Variants in LAMP5 observed in about 807,000 individuals in gnomAD.
LAMP5 encodes the protein lysosome-associated membrane glycoprotein 5.
Under a neutral mutation model 30.2 loss-of-function variants are expected in LAMP5, and 36 were observed. The ratio of observed to expected loss-of-function variants is 1.19; its 90% confidence interval spans 0.91 to 1.57. LAMP5 has a LOEUF of 1.57. Among genes scored for constraint, LAMP5 ranks in the 40% most tolerant of loss-of-function variants. The probability of loss-of-function intolerance (pLI) is 0.00; values close to 1 mark genes in which losing one functional copy is unlikely to be tolerated. For synonymous variants in LAMP5, 149 were observed against 134.6 expected (o/e 1.11, Z -0.74); for missense variants, 377 against 354.9 (o/e 1.06, Z -0.50).
At chr20:9,522,342 A>G (rs2045084736) in intron 5 of LAMP5, among the ~76,000 whole-genome samples, 2 of 152,180 alleles carry the variant, frequency 1.3e-5, no homozygotes, top group African/African-American at 2.4e-5. Flanking sequence ...CCCCCAGTAG[A>G]GCGTCCTGTG....
At chr20:9,523,569 A>G (rs1603172581) in intron 5 of LAMP5, among the ~76,000 whole-genome samples, 1 of 152,332 alleles carries the variant, frequency 6.6e-6, no homozygotes, top group African/African-American at 2.4e-5. Context: ...GGCAACTGGC[A>G]GCTGGCAACA....
intron 5 of LAMP5, among the ~76,000 whole-genome samples, chr20:9,518,978 C>G (rs1245974056): frequency 6.6e-6 from 1 of 152,216 alleles, no homozygotes; most frequent in Non-Finnish European, 1.5e-5. Context: ...GTCTCTCAGT[C>G]TGTTTAGCCT....
chr20:9,516,447 C>G, intron 4 of LAMP5, 86 bp downstream of exon 4: 1 of 1,155,138 alleles, frequency 8.7e-7, no homozygotes, highest in Non-Finnish European at 1.3e-6. Context: ...GTTTTGGAAA[C>G]CGTCCCACGC....
Position 9,514,711 on chromosome 20 carries a change from A to T in LAMP5, c.-142A>T. ...GACACCGAGTCCTAGCTAGGCGCTC[A>T]CAGAATACGCGCTCCCTCCCTCCCC... On this transcript the variant is annotated 5_prime_UTR_variant, in exon 1 of 6. Coordinates refer to ENST00000246070, the MANE Select transcript of LAMP5 (RefSeq NM_012261.4). 1 of 682,032 alleles carries T rather than the reference A, an allele frequency of 1.5e-6. No individual in the cohort carries two copies. 42.2% of individuals were successfully genotyped at this position (682,032 alleles called of 1,614,324 possible). A position where few individuals can be genotyped will look rare whatever the true frequency, so the allele number is the denominator to read the frequency against.
intron 5 of LAMP5, among the ~76,000 whole-genome samples, chr20:9,525,909 A>G (rs2045109039): frequency 6.6e-6 from 1 of 152,188 alleles, no homozygotes; most frequent in African/African-American, 2.4e-5. Context: ...CATTCTGCCT[A>G]GGAAGGTAGA....
intron 5 of LAMP5, among the ~76,000 whole-genome samples, chr20:9,521,262 G>A (rs1432129874): frequency 6.6e-6 from 1 of 152,112 alleles, no homozygotes; most frequent in Admixed American, 6.5e-5. Context: ...GCACAGCAAG[G>A]AGTCCATGGG....
intron 2 of LAMP5, 57 bp downstream of exon 2, chr20:9,515,682 C>A (rs2045031919): frequency 1.3e-6 from 2 of 1,577,962 alleles, no homozygotes; most frequent in East Asian, 4.5e-5. Flanking sequence ...CGAAGGGCAC[C>A]CTTCCTCAAG....
chr20:9,525,339 A>C (rs2045105430), intron 5 of LAMP5, among the ~76,000 whole-genome samples: 1 of 152,230 alleles, frequency 6.6e-6, no homozygotes, highest in Non-Finnish European at 1.5e-5. Flanking sequence ...AATGACAGAA[A>C]AGCTACTCTG....
At chr20:9,528,412 T>A (rs538307730) in intron 5 of LAMP5, among the ~76,000 whole-genome samples, 1 of 152,076 alleles carries the variant, frequency 6.6e-6, no homozygotes, top group Non-Finnish European at 1.5e-5. Flanking sequence ...AGTTCTAATA[T>A]TCAATAGCAG....
chr20:9,526,848 ATG>A (rs199927844), intron 5 of LAMP5, among the ~76,000 whole-genome samples: 1,511 of 108,106 alleles, frequency 0.014, 26 homozygotes, highest in African/African-American at 0.047. Context: ...ACATATACAT[ATG>A]TGTGTGTGTG....
At position 9,528,573 on chromosome 20, in the gene LAMP5, A is replaced by C. The variant is rs112457992; in HGVS notation, c.665-1069A>C. Among the ~76,000 whole-genome samples, 1,210 of 152,290 alleles carry C rather than the reference A, an allele frequency of 7.9e-3. 10 individuals carry two copies. Among genetic ancestry groups the C allele is most frequent in the African/African-American group, 0.028 (1,162 of 41,562 alleles). ...GACTTGATCATTAAAGTGTATGCGC[A>C]TAACAAAATATCACGTGTCCCATAA... On this transcript the variant is annotated intron_variant, in intron 5 of 5. Coordinates refer to ENST00000246070, the MANE Select transcript of LAMP5 (RefSeq NM_012261.4).
intron 5 of LAMP5, among the ~76,000 whole-genome samples, chr20:9,521,713 GC>G (rs2045080740): frequency 6.6e-6 from 1 of 152,196 alleles, no homozygotes; most frequent in Admixed American, 6.5e-5. Context: ...CCCTTGGAGA[GC>G]CCCATGTGAT....
intron 5 of LAMP5, among the ~76,000 whole-genome samples, chr20:9,525,456 T>C (rs886443056): frequency 1.3e-5 from 2 of 152,170 alleles, no homozygotes; most frequent in African/African-American, 4.8e-5. Context: ...CTTAGTAGAT[T>C]AAGAGATTCA....
intron 5 of LAMP5, among the ~76,000 whole-genome samples, chr20:9,526,428 G>A (rs1317440867): frequency 2.0e-5 from 3 of 152,106 alleles, no homozygotes; most frequent in Admixed American, 2.0e-4. Flanking sequence ...AATAACCTTT[G>A]TTGTTAACAA....
chr20:9,518,147 C>A lies in LAMP5; in HGVS notation c.583C>A (p.Pro195Thr). 6.2e-7 allele frequency: 1 copy of A among 1,614,096 alleles called. No individual in the cohort carries two copies. The highest frequency in any genetic ancestry group is 1.3e-5 in the African/African-American group (1 of 75,050). ...QQTISLASSD[P>T]QKTVTMILSA... is the part of the protein sequence containing the mutation. ...AACCATTTCACTGGCCTCTAGTGAT[C>A]CGCAGAAGACGGTCACCATGATCCT... Residue 195 changes from proline to threonine, a missense_variant, in exon 5 of 6, where the codon CCG (proline) becomes ACG (threonine). By Grantham distance (38) the Pro-to-Thr change is conservative. Transcript: ENST00000246070.
At chr20:9,520,983 GC>G (rs1721224835) in intron 5 of LAMP5, among the ~76,000 whole-genome samples, 1 of 152,148 alleles carries the variant, frequency 6.6e-6, no homozygotes, top group Non-Finnish European at 1.5e-5. Flanking sequence ...CTGGGAGTGG[GC>G]CCCAAGAAGC....
chr20:9,517,783 T>A (rs1046985354), intron 4 of LAMP5, among the ~76,000 whole-genome samples: 1 of 152,122 alleles, frequency 6.6e-6, no homozygotes, highest in East Asian at 1.9e-4. Flanking sequence ...GTAACAAGGG[T>A]TGGGTTTTTA....
chr20:9,514,857 A>C lies in LAMP5; in HGVS notation c.5A>C (p.Asp2Ala). 6.2e-7 allele frequency: 1 copy of C among 1,614,028 alleles called. No homozygotes were observed. The highest frequency in any genetic ancestry group is 8.5e-7 in the Non-Finnish European group (1 of 1,179,984). The stretch of plus-strand genomic sequence containing the variant: ...CTCATTCGGGGCACTGCGAGTATGG[A>C]TCTCCAAGGAAGAGGGGTCCCCAGC... M[D>A]LQGRGVPSID... The change falls in exon 1 of 6, where the codon GAT becomes GCT. Residue 2 changes from aspartate (D) to alanine (A), a missense_variant. By Grantham distance (126) the Asp-to-Ala change is moderately radical (BLOSUM62 -2). Transcript: ENST00000246070.
chr20:9,515,524 G>T lies in LAMP5; in HGVS notation c.136G>T (p.Asp46Tyr), dbSNP rs777491312. 3 of 1,614,170 alleles carry T rather than the reference G, an allele frequency of 1.9e-6. No individual in the cohort carries two copies. The highest frequency in any genetic ancestry group is 1.7e-6 in the Non-Finnish European group (2 of 1,180,012). The part of the protein sequence containing the change: ...LSGLSTNPEK[D>Y]IFVVRENGTT... ...AGGCCTTTCCACTAACCCTGAAAAA[G>T]ATATATTTGTGGTGCGGGAAAATGG... Residue 46 changes from aspartate to tyrosine, a missense_variant, in exon 2 of 6, where the codon GAT becomes TAT. Transcript: ENST00000246070.
Sources: allele counts gnomAD v4.1 joint callset (sites outside exome capture counted in the v4.1 genomes callset), GRCh38; gene constraint gnomAD v4.1.1; transcripts MANE v1.5; gene names NCBI Gene and HGNC (gene_info 2026-07-23, HGNC 2026-07-21).